CAMK1D: variants seen among roughly 807,000 people sequenced by gnomAD.
The protein encoded by CAMK1D is calcium/calmodulin-dependent protein kinase type 1D.
CAMK1D carries 9 observed loss-of-function variants against 47.7 expected under a neutral mutation model. That is an observed-to-expected ratio of 0.19 (90% confidence interval 0.11 to 0.33). CAMK1D has a LOEUF of 0.33. Among genes scored for constraint, CAMK1D ranks in the 10% least tolerant of loss-of-function variants. CAMK1D has a pLI of 1.00. For synonymous variants in CAMK1D, 184 were observed against 184.9 expected (o/e 0.99, Z 0.04); for missense variants, 291 against 488.7 (o/e 0.60, Z 3.81).
At chr10:12,808,681 C>T (rs1009603867) in intron 6 of CAMK1D, among the ~76,000 whole-genome samples, 7 of 151,494 alleles carry the variant, frequency 4.6e-5, no homozygotes, top group African/African-American at 1.2e-4. Flanking sequence ...TGGAGGCTGA[C>T]GTAGGAGAAT....
At position 12,411,601 on chromosome 10, in the gene CAMK1D, CTT is replaced by C. The variant is rs35221185; in HGVS notation, c.92+61704_92+61705del. Among the ~76,000 whole-genome samples, 275 of 145,418 alleles carry C rather than the reference CTT, an allele frequency of 1.9e-3. 1 individual carries two copies. The highest frequency in any genetic ancestry group is 4.2e-3 in the African/African-American group (167 of 39,622). On this transcript the variant is annotated intron_variant, in intron 1 of 10. Transcript: ENST00000619168. The stretch of plus-strand genomic sequence containing the variant: ...GTTATAGCAATGGCCTACCTGGCTT[CTT>C]TTTTTTTTTTTTGAGATGGAGTTTT...
intron 2 of CAMK1D, among the ~76,000 whole-genome samples, chr10:12,647,511 A>G (rs1564466000): frequency 6.6e-6 from 1 of 152,164 alleles, no homozygotes; most frequent in Non-Finnish European, 1.5e-5. Context: ...CTGTATACCA[A>G]TGCTTTGTAG....
rs146376915 is a variant in CAMK1D, at chr10:12,484,281, A to G, written c.93-68944A>G. On this transcript the variant is annotated intron_variant, in intron 1 of 10. Coordinates refer to ENST00000619168, the MANE Select transcript of CAMK1D (RefSeq NM_153498.4). Reference sequence around the variant, plus strand: ...GGCCCCGCCTGCTCTGCGGCTGGCAACACCAAGTCGCCATCTCTCTTCGTG... The same window carrying G: ...GGCCCCGCCTGCTCTGCGGCTGGCAGCACCAAGTCGCCATCTCTCTTCGTG... 1.9e-3 allele frequency among the ~76,000 whole-genome samples: 289 copies of G among 152,328 alleles called. 1 individual carries two copies. The highest frequency in any genetic ancestry group is 6.6e-3 in the African/African-American group (274 of 41,576).
intron 1 of CAMK1D, among the ~76,000 whole-genome samples, chr10:12,459,851 C>T (rs568300410): frequency 2.3e-4 from 35 of 152,086 alleles, no homozygotes; most frequent in Non-Finnish European, 4.1e-4. Flanking sequence ...GGATCAAAGC[C>T]GTGGGGAAAG....
intron 1 of CAMK1D, among the ~76,000 whole-genome samples, chr10:12,365,670 C>T (rs1837811237): frequency 6.6e-6 from 1 of 151,678 alleles, no homozygotes; most frequent in South Asian, 2.1e-4. Context: ...GATCTGCTGA[C>T]CTCGTGATCT....
intron 2 of CAMK1D, among the ~76,000 whole-genome samples, chr10:12,628,306 G>A (rs939133186): frequency 6.6e-6 from 1 of 152,172 alleles, no homozygotes; most frequent in East Asian, 1.9e-4. Flanking sequence ...AGTAATGTAA[G>A]ATAGTTTTAG....
At chr10:12,494,536 T>A (rs1433379382) in intron 1 of CAMK1D, among the ~76,000 whole-genome samples, 3 of 152,104 alleles carry the variant, frequency 2.0e-5, no homozygotes, top group Non-Finnish European at 4.4e-5. Context: ...TTGTGTCCAT[T>A]TCCTATTTGC....
rs3814651 is a variant in CAMK1D, at chr10:12,832,138, G to A, written c.*3251G>A. ...ACTTGGAGTATTCAATGTTGAAGTA[G>A]TGGCCTGGAGTGGCCTTTCCCTCAG... On this transcript the variant is annotated 3_prime_UTR_variant, in exon 11 of 11. Coordinates refer to ENST00000619168, the MANE Select transcript of CAMK1D (RefSeq NM_153498.4). 0.038 allele frequency: 5,726 copies of A among 152,378 alleles called. 541 individuals carry two copies. Among genetic ancestry groups the A allele is most frequent in the East Asian group, 0.37 (1,895 of 5,172 alleles). The allele number at this position is 152,378 out of a possible 1,614,324, so 9.4% of individuals were successfully genotyped here.
At chr10:12,818,296 G>T (rs991872556) in intron 8 of CAMK1D, among the ~76,000 whole-genome samples, 4 of 152,060 alleles carry the variant, frequency 2.6e-5, no homozygotes, top group Admixed American at 2.0e-4. Flanking sequence ...TCCAGCACTG[G>T]GCTAATTGCT....
chr10:12,594,168 A>G (rs1838078503), intron 2 of CAMK1D, among the ~76,000 whole-genome samples: 1 of 152,158 alleles, frequency 6.6e-6, no homozygotes, highest in Admixed American at 6.5e-5. Flanking sequence ...ATGGGAGTGA[A>G]GTTCTGTCAT....
intron 1 of CAMK1D, among the ~76,000 whole-genome samples, chr10:12,457,204 A>C (rs1833276943): frequency 6.6e-6 from 1 of 152,126 alleles, no homozygotes; most frequent in African/African-American, 2.4e-5. Context: ...CAGCCTGACC[A>C]ACATGGTGAA....
chr10:12,583,291 T>C (rs914704520), intron 2 of CAMK1D, among the ~76,000 whole-genome samples: 8 of 152,146 alleles, frequency 5.3e-5, no homozygotes, highest in Non-Finnish European at 8.8e-5. Context: ...TCCAATGATA[T>C]GAGTTTGGTT....
chr10:12,615,868 A>G (rs111217902), intron 2 of CAMK1D, among the ~76,000 whole-genome samples: 1 of 151,596 alleles, frequency 6.6e-6, no homozygotes, highest in Admixed American at 6.6e-5. Context: ...GTATGCATGT[A>G]TGTGTATAAG....
intron 1 of CAMK1D, among the ~76,000 whole-genome samples, chr10:12,537,740 T>C (rs1836022201): frequency 6.6e-6 from 1 of 152,218 alleles, no homozygotes. Flanking sequence ...AGGGCTATTA[T>C]CTCTTTATTA....
intron 3 of CAMK1D, among the ~76,000 whole-genome samples, chr10:12,751,111 GATAAGATAA>G (rs1835953703): frequency 2.9e-5 from 3 of 105,160 alleles, no homozygotes; most frequent in African/African-American, 1.3e-4. Flanking sequence ...GATAAGATAA[GATAAGATAA>G]GATAAGAAGG....
chr10:12,820,833 T>C (rs1832989007), intron 8 of CAMK1D, among the ~76,000 whole-genome samples: 1 of 152,106 alleles, frequency 6.6e-6, no homozygotes, highest in South Asian at 2.1e-4. Context: ...TGTGCTCAGG[T>C]CCCAACAGGC....
At chr10:12,513,737 G>A (rs1078775) in intron 1 of CAMK1D, among the ~76,000 whole-genome samples, 15,032 of 152,130 alleles carry the variant, frequency 0.099, 943 homozygotes, top group East Asian at 0.36. Flanking sequence ...GGAGGTGGAG[G>A]CTTCAGTGGG....
intron 1 of CAMK1D, among the ~76,000 whole-genome samples, chr10:12,366,981 T>G (rs766127315): frequency 2.0e-4 from 30 of 152,146 alleles, no homozygotes; most frequent in Non-Finnish European, 4.1e-4. Flanking sequence ...TGGCCTTGCT[T>G]GGCTTATTCT....
chr10:12,773,795 A>T (rs551450975), intron 5 of CAMK1D, among the ~76,000 whole-genome samples: 2 of 152,320 alleles, frequency 1.3e-5, no homozygotes, highest in South Asian at 2.1e-4. Flanking sequence ...CCTACTCAGG[A>T]GGCTGAGGCA....
Sources: allele counts gnomAD v4.1 joint callset (sites outside exome capture counted in the v4.1 genomes callset), GRCh38; gene constraint gnomAD v4.1.1; transcripts MANE v1.5; gene names NCBI Gene and HGNC (gene_info 2026-07-23, HGNC 2026-07-21).